KIAA1549L: variants seen among roughly 807,000 people sequenced by gnomAD.
KIAA1549L encodes KIAA1549 like, also known as UPF0606 protein KIAA1549L.
In KIAA1549L, 88 loss-of-function variants were observed where a neutral mutation model predicts 160.7. The ratio of observed to expected loss-of-function variants is 0.55; its 90% CI spans 0.46 to 0.65. The LOEUF (loss-of-function observed/expected upper bound fraction) is 0.65, where lower values mean the gene tolerates loss of function less well. Ranked by LOEUF, KIAA1549L falls within the 30% of genes least tolerant of loss-of-function variation. KIAA1549L has a pLI of 0.00. For missense variants in KIAA1549L, 2,258 were observed against 2,437.5 expected, an observed-to-expected ratio of 0.93 and a Z score of 1.55; for synonymous variants, 950 against 976.7, an observed-to-expected ratio of 0.97 and a Z score of 0.51.
At chr11:33,426,603 C>A (rs919168798) in intron 1 of KIAA1549L, among the ~76,000 whole-genome samples, 3 of 152,162 alleles carry the variant, frequency 2.0e-5, no homozygotes, top group African/African-American at 7.2e-5. Flanking sequence ...ATGATGATTA[C>A]CCTTAGATTG....
chr11:33,629,464 T>A (rs549982088), intron 16 of KIAA1549L, among the ~76,000 whole-genome samples: 1 of 152,280 alleles, frequency 6.6e-6, no homozygotes, highest in Non-Finnish European at 1.5e-5. Context: ...TAGTCCCATA[T>A]TTCTTGGAGG....
At chr11:33,582,137 CAT>C (rs747842993) in intron 10 of KIAA1549L, among the ~76,000 whole-genome samples, 2 of 152,172 alleles carry the variant, frequency 1.3e-5, no homozygotes, top group Non-Finnish European at 2.9e-5. Flanking sequence ...TCAACAGAAA[CAT>C]ATTATCTAAT....
intron 1 of KIAA1549L, among the ~76,000 whole-genome samples, chr11:33,422,141 T>G (rs1003924050): frequency 2.6e-5 from 4 of 152,080 alleles, no homozygotes; most frequent in Non-Finnish European, 5.9e-5. Context: ...TTACTACTGA[T>G]TCTGCAAATG....
At chr11:33,460,888 A>G (rs1851927755) in intron 1 of KIAA1549L, among the ~76,000 whole-genome samples, 1 of 152,206 alleles carries the variant, frequency 6.6e-6, no homozygotes, top group Admixed American at 6.5e-5. Context: ...ACACATGTTT[A>G]TAAGCTGAGC....
At chr11:33,551,307 GC>G in intron 5 of KIAA1549L, 48 bp downstream of exon 5, 1 of 1,520,756 alleles carries the variant, frequency 6.6e-7, no homozygotes, top group Non-Finnish European at 9.0e-7. Context: ...TGGGTTCAGG[GC>G]CAGTACCAAG....
At chr11:33,440,011 A>G (rs1851463327) in intron 1 of KIAA1549L, among the ~76,000 whole-genome samples, 1 of 136,104 alleles carries the variant, frequency 7.3e-6, no homozygotes, top group African/African-American at 2.7e-5. Context: ...ATTTGGATTT[A>G]TTTTTACCAT....
chr11:33,667,547 C>CATGCCTGGCTAATTTTTT (rs1852511459), intron 20 of KIAA1549L, among the ~76,000 whole-genome samples: 2 of 152,094 alleles, frequency 1.3e-5, no homozygotes, highest in South Asian at 2.1e-4. Flanking sequence ...CGCATGCCAC[C>CATGCCTGGCTAATTTTTT]ATGCCTGGCT....
intron 1 of KIAA1549L, among the ~76,000 whole-genome samples, chr11:33,430,052 TTCCCTCTC>T (rs759829749): frequency 1.5e-5 from 2 of 134,858 alleles, no homozygotes; most frequent in Non-Finnish European, 3.2e-5. Flanking sequence ...CCTTCCTCCC[TTCCCTCTC>T]TCCTCCGTTC....
At chr11:33,534,891 C>T (rs764269125) in intron 1 of KIAA1549L, among the ~76,000 whole-genome samples, 17 of 152,208 alleles carry the variant, frequency 1.1e-4, no homozygotes, top group Non-Finnish European at 1.3e-4. Context: ...CCAAAGCTCC[C>T]TGCTTCCTAC....
intron 1 of KIAA1549L, among the ~76,000 whole-genome samples, chr11:33,440,621 T>C (rs563027199): frequency 6.6e-6 from 1 of 152,374 alleles, no homozygotes; most frequent in African/African-American, 2.4e-5. Context: ...ATCCATACTT[T>C]TCTACATTGA....
intron 1 of KIAA1549L, among the ~76,000 whole-genome samples, chr11:33,520,684 A>ACAC (rs1853464753): frequency 2.4e-4 from 20 of 84,794 alleles, no homozygotes; most frequent in Non-Finnish European, 3.1e-4. Flanking sequence ...CCCCACCCCC[A>ACAC]ACACACACAC....
intron 1 of KIAA1549L, among the ~76,000 whole-genome samples, chr11:33,471,915 G>A (rs2133027965): frequency 6.6e-6 from 1 of 152,320 alleles, no homozygotes; most frequent in East Asian, 1.9e-4. Flanking sequence ...GAAGTAAGCA[G>A]ACAATGGCTT....
intron 1 of KIAA1549L, among the ~76,000 whole-genome samples, chr11:33,518,587 T>A (rs137923941): frequency 6.6e-6 from 1 of 152,348 alleles, no homozygotes; most frequent in African/African-American, 2.4e-5. Context: ...GTATAGTGGC[T>A]GTAAACCTAA....
chr11:33,477,436 G>A (rs892515808), intron 1 of KIAA1549L, among the ~76,000 whole-genome samples: 4 of 152,034 alleles, frequency 2.6e-5, no homozygotes, highest in Non-Finnish European at 4.4e-5. Flanking sequence ...CAAGATGTAA[G>A]ATATTTAATG....
chr11:33,485,202 G>A (rs1342996061), intron 1 of KIAA1549L, among the ~76,000 whole-genome samples: 3 of 152,158 alleles, frequency 2.0e-5, no homozygotes, highest in African/African-American at 7.2e-5. Flanking sequence ...TTGGACCAAG[G>A]GGAGGAAGCA....
At chr11:33,394,217 TAAACA>T (rs902773619) in intron 1 of KIAA1549L, among the ~76,000 whole-genome samples, 3 of 151,826 alleles carry the variant, frequency 2.0e-5, no homozygotes, top group Admixed American at 1.3e-4. Context: ...TACCAAAAAC[TAAACA>T]AAACAAAACA....
intron 20 of KIAA1549L, among the ~76,000 whole-genome samples, chr11:33,663,757 T>C (rs1273154281): frequency 6.6e-6 from 1 of 152,226 alleles, no homozygotes; most frequent in Non-Finnish European, 1.5e-5. Context: ...GCTCTTGCTC[T>C]GCACAATTCT....
intron 11 of KIAA1549L, among the ~76,000 whole-genome samples, chr11:33,587,439 T>G (rs1849916135): frequency 6.6e-6 from 1 of 152,202 alleles, no homozygotes; most frequent in South Asian, 2.1e-4. Flanking sequence ...CACTTAGCTG[T>G]GTGATCTTGG....
intron 1 of KIAA1549L, among the ~76,000 whole-genome samples, chr11:33,412,779 T>G (rs556569810): frequency 6.5e-4 from 99 of 152,354 alleles, no homozygotes; most frequent in African/African-American, 2.1e-3. Context: ...TGAAGTATTA[T>G]GTAAACGGAT....
Sources: gnomAD v4.1 joint callset for allele counts (sites outside exome capture counted in the v4.1 genomes callset) on GRCh38, gnomAD v4.1.1 for gene constraint, MANE v1.5 for transcripts, NCBI Gene and HGNC (gene_info 2026-07-23, HGNC 2026-07-21) for gene names.